The following EPHA6 variants were observed in gnomAD, a reference collection of about 807,000 sequenced individuals.
The protein encoded by EPHA6 is EPH receptor A6.
A neutral mutation model predicts 112.0 loss-of-function variants in EPHA6; 50 were observed. That is an observed-to-expected ratio of 0.45 (90% CI 0.36 to 0.56). The LOEUF (loss-of-function observed/expected upper bound fraction) is 0.56. Ranked by LOEUF, EPHA6 falls within the 20% of genes least tolerant of loss-of-function variation. The pLI, the probability that EPHA6 is intolerant of heterozygous loss-of-function variation, is 0.00. For missense variants in EPHA6, 1,280 were observed against 1,417.4 expected, an observed-to-expected ratio of 0.90 and a Z score of 1.56; for synonymous variants, 529 against 490.7, an observed-to-expected ratio of 1.08 and a Z score of -1.03.
At chr3:97,382,113 AT>A (rs2085782386) in intron 5 of EPHA6, among the ~76,000 whole-genome samples, 1 of 152,124 alleles carries the variant, frequency 6.6e-6, no homozygotes, top group East Asian at 1.9e-4. Flanking sequence ...TATTGTATGC[AT>A]GATGAGCATG....
At chr3:97,146,619 A>T (rs1296973451) in intron 3 of EPHA6, among the ~76,000 whole-genome samples, 2 of 152,018 alleles carry the variant, frequency 1.3e-5, no homozygotes, top group African/African-American at 4.8e-5. Context: ...CTACCTTATC[A>T]ACTAAGCAGA....
intron 3 of EPHA6, among the ~76,000 whole-genome samples, chr3:96,988,705 T>A (rs2043109962): frequency 6.6e-6 from 1 of 152,114 alleles, no homozygotes; most frequent in South Asian, 2.1e-4. Flanking sequence ...TTACATAGAA[T>A]TTTTCACCAT....
intron 3 of EPHA6, among the ~76,000 whole-genome samples, chr3:97,006,714 A>G (rs1223447201): frequency 6.6e-6 from 1 of 152,056 alleles, no homozygotes; most frequent in Non-Finnish European, 1.5e-5. Flanking sequence ...TTGATTCAAG[A>G]TCTTTCTAGC....
At chr3:97,331,966 T>G (rs571342601) in intron 5 of EPHA6, among the ~76,000 whole-genome samples, 1 of 152,192 alleles carries the variant, frequency 6.6e-6, no homozygotes, top group African/African-American at 2.4e-5. Flanking sequence ...AAAGAGAATT[T>G]TAGACCAATA....
chr3:97,014,894 G>C (rs2044213214), intron 3 of EPHA6, among the ~76,000 whole-genome samples: 1 of 152,084 alleles, frequency 6.6e-6, no homozygotes, highest in Non-Finnish European at 1.5e-5. Context: ...TCTTAAATTT[G>C]CTGTGACAGC....
intron 3 of EPHA6, among the ~76,000 whole-genome samples, chr3:97,135,981 G>T (rs1048765326): frequency 6.6e-6 from 1 of 152,052 alleles, no homozygotes; most frequent in African/African-American, 2.4e-5. Flanking sequence ...TTATATAGAC[G>T]GAGTCTTGGA....
intron 3 of EPHA6, among the ~76,000 whole-genome samples, chr3:97,138,499 A>G (rs187304342): frequency 6.6e-6 from 1 of 152,064 alleles, no homozygotes; most frequent in Non-Finnish European, 1.5e-5. Context: ...TCATTCCTGC[A>G]GTGGGGGACC....
intron 5 of EPHA6, among the ~76,000 whole-genome samples, chr3:97,245,405 A>G (rs935261383): frequency 1.3e-5 from 2 of 151,926 alleles, no homozygotes; most frequent in Non-Finnish European, 2.9e-5. Flanking sequence ...TTTTACCTTA[A>G]TTACTCTTTA....
chr3:97,460,781 G>A (rs79593684), intron 7 of EPHA6, among the ~76,000 whole-genome samples: 4,665 of 152,222 alleles, frequency 0.031, 177 homozygotes, highest in African/African-American at 0.098. Flanking sequence ...ACTCCTTGGG[G>A]TCCGCTGAGG....
intron 14 of EPHA6, among the ~76,000 whole-genome samples, chr3:97,708,067 G>T (rs2033775273): frequency 6.6e-6 from 1 of 152,226 alleles, no homozygotes; most frequent in Admixed American, 6.5e-5. Context: ...ACCTAAAAAT[G>T]TGAAAGCAAC....
At position 97,131,944 on chromosome 3, in the gene EPHA6, T is replaced by C. The variant is rs1278550002; in HGVS notation, c.1115-94320T>C. ...GTTAAAAGCAAAACCAAACTAAATA[T>C]AGTGTGTCTTCCACTAAGGATGAAG... is the stretch of plus-strand genomic sequence containing the variant. On this transcript the variant is annotated intron_variant, in intron 3 of 17. Coordinates refer to ENST00000389672, the MANE Select transcript of EPHA6 (RefSeq NM_001080448.3). Among the ~76,000 whole-genome samples the C allele has an allele frequency of 3.3e-5, 5 of 152,184 alleles. No individual in the cohort carries two copies. The East Asian group carries it at 9.6e-4, about 29-fold the overall frequency.
rs749134413 is a variant in EPHA6 at position 97,226,369 on chromosome 3, A to G, written c.1220A>G (p.Glu407Gly). The G allele has an allele frequency of 6.2e-7, 1 of 1,613,690 alleles. No individual in the cohort carries two copies. The highest frequency in any genetic ancestry group is 8.5e-7 in the Non-Finnish European group (1 of 1,179,670). Residue 407 changes from glutamate to glycine, a missense_variant, in exon 4 of 18, where the codon GAA becomes GGA. Transcript: ENST00000389672. ...GAAGCAACTTCTGTCTGTCAGTGTG[A>G]AAAGGGTTATTTCCGAGCTGAAAAA... Reference protein sequence around the residue: ...YMEATSVCQCEKGYFRAEKDP... With the variant: ...YMEATSVCQCGKGYFRAEKDP...
intron 5 of EPHA6, among the ~76,000 whole-genome samples, chr3:97,299,197 G>GTGTA (rs1025286769): frequency 2.7e-5 from 4 of 150,734 alleles, no homozygotes; most frequent in African/African-American, 9.9e-5. Flanking sequence ...GTGTGTGTGT[G>GTGTA]TGTGTGTGTG....
chr3:97,022,804 T>C (rs1187313513), intron 3 of EPHA6, among the ~76,000 whole-genome samples: 1 of 152,186 alleles, frequency 6.6e-6, no homozygotes, highest in Non-Finnish European at 1.5e-5. Context: ...TCAAATCCAC[T>C]TATTTAATCA....
At chr3:96,840,182 T>C (rs2034652089) in intron 1 of EPHA6, among the ~76,000 whole-genome samples, 1 of 151,990 alleles carries the variant, frequency 6.6e-6, no homozygotes, top group Non-Finnish European at 1.5e-5. Flanking sequence ...AGTTGTACCA[T>C]GTACCTGAAA....
intron 3 of EPHA6, among the ~76,000 whole-genome samples, chr3:97,153,810 C>T (rs947223064): frequency 6.6e-6 from 1 of 152,110 alleles, no homozygotes; most frequent in South Asian, 2.1e-4. Flanking sequence ...AACTTCCACT[C>T]CTGGCCCCAT....
At chr3:97,053,065 AG>A (rs2045737825) in intron 3 of EPHA6, among the ~76,000 whole-genome samples, 1 of 152,134 alleles carries the variant, frequency 6.6e-6, no homozygotes, top group African/African-American at 2.4e-5. Context: ...ACTGACTGGA[AG>A]TGTTAAAAGC....
intron 3 of EPHA6, among the ~76,000 whole-genome samples, chr3:97,194,879 GC>G (rs1260913168): frequency 6.6e-6 from 1 of 151,808 alleles, no homozygotes; most frequent in East Asian, 1.9e-4. Context: ...CTTAAGTATA[GC>G]AACATTTTTG....
intron 3 of EPHA6, among the ~76,000 whole-genome samples, chr3:97,114,840 T>C (rs1050043511): frequency 6.6e-6 from 1 of 152,086 alleles, no homozygotes; most frequent in Non-Finnish European, 1.5e-5. Flanking sequence ...ATGATAATTA[T>C]ATGTAAGCTG....
Sources: gnomAD v4.1 joint callset for allele counts (sites outside exome capture counted in the v4.1 genomes callset) on GRCh38, gnomAD v4.1.1 for gene constraint, MANE v1.5 for transcripts, NCBI Gene and HGNC (gene_info 2026-07-23, HGNC 2026-07-21) for gene names.